Variants in CAMK2D observed in about 807,000 individuals in gnomAD.
CAMK2D encodes the protein calcium/calmodulin-dependent protein kinase type II subunit delta.
A neutral mutation model predicts 84.0 loss-of-function variants in CAMK2D; 37 were observed. That is an observed-to-expected ratio of 0.44 (90% CI 0.34 to 0.58). CAMK2D has a LOEUF of 0.58. Among genes scored for constraint, CAMK2D ranks in the 20% least tolerant of loss-of-function variants. The pLI, the probability that CAMK2D is intolerant of heterozygous loss-of-function variation, is 0.02. For synonymous variants in CAMK2D, 202 were observed against 212.5 expected, an observed-to-expected ratio of 0.95 and a Z score of 0.43; for missense variants, 448 against 652.5, an observed-to-expected ratio of 0.69 and a Z score of 3.41.
At chr4:113,623,139 C>A (rs7676842) in intron 3 of CAMK2D, among the ~76,000 whole-genome samples, 67,019 of 151,888 alleles carry the variant, frequency 0.44, 16,165 homozygotes, top group East Asian at 0.67. Context: ...ACCCTTGTTG[C>A]CTGTAAAGCA....
chr4:113,681,523 G>A (rs944829170), intron 2 of CAMK2D, among the ~76,000 whole-genome samples: 2 of 152,040 alleles, frequency 1.3e-5, no homozygotes, highest in Admixed American at 6.6e-5. Flanking sequence ...CCCAGTCTTG[G>A]GCAGTTCTTA....
intron 2 of CAMK2D, 114 bp from the exon 3 acceptor site, chr4:113,661,886 T>C (rs932870886): frequency 1.5e-5 from 9 of 590,210 alleles, no homozygotes; most frequent in Admixed American, 1.5e-4. Flanking sequence ...TTTGATTTCA[T>C]TTTGAAACAA....
chr4:113,632,459 G>T (rs1259846584), intron 3 of CAMK2D, among the ~76,000 whole-genome samples: 1 of 151,924 alleles, frequency 6.6e-6, no homozygotes, highest in African/African-American at 2.4e-5. Context: ...CTGACCTCAG[G>T]TGATCCACCT....
chr4:113,689,958 A>G (rs1353858023), intron 2 of CAMK2D, among the ~76,000 whole-genome samples: 2 of 152,178 alleles, frequency 1.3e-5, no homozygotes, highest in African/African-American at 4.8e-5. Flanking sequence ...CACTCAATAA[A>G]TATTTTTTGA....
intron 2 of CAMK2D, among the ~76,000 whole-genome samples, chr4:113,734,189 CA>C (rs2099575749): frequency 6.6e-6 from 1 of 152,068 alleles, no homozygotes; most frequent in Non-Finnish European, 1.5e-5. Flanking sequence ...CTAAGAAACA[CA>C]GAAGATGAAG....
intron 4 of CAMK2D, among the ~76,000 whole-genome samples, chr4:113,594,416 G>C (rs1173362419): frequency 1.3e-5 from 2 of 152,192 alleles, no homozygotes; most frequent in Non-Finnish European, 2.9e-5. Context: ...TGAAGAGACT[G>C]AAAAAGTTTC....
intron 4 of CAMK2D, 74 bp downstream of exon 4, chr4:113,609,078 A>T (rs1044751639): frequency 2.9e-5 from 23 of 803,222 alleles, no homozygotes; most frequent in Non-Finnish European, 4.7e-5. Context: ...TGGACTGTAC[A>T]GTGAGAAAAA....
intron 4 of CAMK2D, among the ~76,000 whole-genome samples, chr4:113,568,451 G>T (rs2098736328): frequency 6.6e-6 from 1 of 152,110 alleles, no homozygotes; most frequent in South Asian, 2.1e-4. Context: ...GTATGTACAG[G>T]CTACAATTTG....
chr4:113,580,826 A>T (rs2098804697), intron 4 of CAMK2D, among the ~76,000 whole-genome samples: 1 of 150,750 alleles, frequency 6.6e-6, no homozygotes, highest in African/African-American at 2.4e-5. Context: ...CAAGTTGGCT[A>T]TAATTATTTT....
chr4:113,650,913 G>A (rs906460951), intron 3 of CAMK2D, among the ~76,000 whole-genome samples: 4 of 152,134 alleles, frequency 2.6e-5, no homozygotes, highest in Non-Finnish European at 1.5e-5. Context: ...TAATGCTCAC[G>A]AAACATACTG....
intron 2 of CAMK2D, among the ~76,000 whole-genome samples, chr4:113,679,899 A>C (rs1293914849): frequency 2.0e-5 from 3 of 152,198 alleles, no homozygotes; most frequent in Non-Finnish European, 4.4e-5. Flanking sequence ...GCTAAAGAAA[A>C]GTTACCTAAA....
intron 16 of CAMK2D, among the ~76,000 whole-genome samples, chr4:113,488,560 C>T (rs933893619): frequency 2.0e-5 from 3 of 152,086 alleles, no homozygotes; most frequent in Admixed American, 2.0e-4. Flanking sequence ...AGTGAATTCA[C>T]AGTTTAAAAA....
At chr4:113,518,780 G>T (rs2098319878) in intron 8 of CAMK2D, among the ~76,000 whole-genome samples, 1 of 152,138 alleles carries the variant, frequency 6.6e-6, no homozygotes, top group Admixed American at 6.6e-5. Context: ...CCCTGCTCCT[G>T]TCCAGCAGTC....
intron 13 of CAMK2D, among the ~76,000 whole-genome samples, chr4:113,508,547 T>C (rs949498078): frequency 6.6e-6 from 1 of 152,096 alleles, no homozygotes; most frequent in African/African-American, 2.4e-5. Flanking sequence ...TATTGTAACA[T>C]TGGGAAAAAG....
intron 2 of CAMK2D, among the ~76,000 whole-genome samples, chr4:113,758,484 G>C (rs1464336891): frequency 6.6e-6 from 1 of 152,030 alleles, no homozygotes; most frequent in Non-Finnish European, 1.5e-5. Context: ...AATAAACCAG[G>C]TCACTGAGAT....
chr4:113,494,576 A>G (rs929723154), intron 16 of CAMK2D, among the ~76,000 whole-genome samples: 4 of 152,076 alleles, frequency 2.6e-5, no homozygotes, highest in South Asian at 2.1e-4. Context: ...GTCTGCAGAG[A>G]TTACTGCTGT....
At chr4:113,542,206 T>C (rs1306014658) in intron 6 of CAMK2D, among the ~76,000 whole-genome samples, 2 of 152,118 alleles carry the variant, frequency 1.3e-5, no homozygotes, top group African/African-American at 4.8e-5. Flanking sequence ...TGACAAACAC[T>C]AGGCACTCAA....
chr4:113,744,114 A>G (rs1455874865), intron 2 of CAMK2D, among the ~76,000 whole-genome samples: 1 of 152,232 alleles, frequency 6.6e-6, no homozygotes, highest in Admixed American at 6.5e-5. Context: ...TGCTGGGATT[A>G]CAGGCGTGAG....
chr4:113,658,305 G>T (rs1434225276), intron 3 of CAMK2D, among the ~76,000 whole-genome samples: 1 of 152,084 alleles, frequency 6.6e-6, no homozygotes, highest in Non-Finnish European at 1.5e-5. Context: ...AAATGAGAAA[G>T]AACTCATCTC....
Sources: allele counts gnomAD v4.1 joint callset (sites outside exome capture counted in the v4.1 genomes callset), GRCh38; gene constraint gnomAD v4.1.1; transcripts MANE v1.5; gene names NCBI Gene and HGNC (gene_info 2026-07-23, HGNC 2026-07-21).